The following NCOA1 variants were observed in gnomAD, a reference collection of about 807,000 sequenced individuals.
The protein encoded by NCOA1 is nuclear receptor coactivator 1.
NCOA1 carries 35 observed loss-of-function variants against 150.9 expected under a neutral mutation model. The ratio of observed to expected loss-of-function variants is 0.23; its 90% CI spans 0.18 to 0.31. NCOA1 has a LOEUF of 0.31. NCOA1 is among the 10% of genes least tolerant of loss of function. The probability of loss-of-function intolerance (pLI) is 1.00; values close to 1 mark genes in which losing one functional copy is unlikely to be tolerated. For missense variants in NCOA1, 1,491 were observed against 1,749.3 expected, an observed-to-expected ratio of 0.85 and a Z score of 2.63; for synonymous variants, 590 against 630.0, an observed-to-expected ratio of 0.94 and a Z score of 0.95.
At chr2:24,580,760 T>A (rs1359689783) in intron 2 of NCOA1, among the ~76,000 whole-genome samples, 2 of 152,254 alleles carry the variant, frequency 1.3e-5, no homozygotes, top group Non-Finnish European at 2.9e-5. Context: ...CAGATAATTT[T>A]AACACCTCCA....
intron 3 of NCOA1, among the ~76,000 whole-genome samples, chr2:24,633,827 A>T (rs888848682): frequency 6.6e-6 from 1 of 152,206 alleles, no homozygotes; most frequent in Non-Finnish European, 1.5e-5. Context: ...TAGAAATTCT[A>T]CTTTTGGATA....
At chr2:24,630,570 T>TA (rs1286238378) in intron 3 of NCOA1, among the ~76,000 whole-genome samples, 24 of 152,350 alleles carry the variant, frequency 1.6e-4, no homozygotes, top group Non-Finnish European at 2.8e-4. Flanking sequence ...TCTTGCCACT[T>TA]ACTAATGGTG....
chr2:24,747,810 GA>G (rs59231013), intron 19 of NCOA1, among the ~76,000 whole-genome samples: 36,287 of 149,830 alleles, frequency 0.24, 4,423 homozygotes, highest in Non-Finnish European at 0.26. Flanking sequence ...AGTCATAAAT[GA>G]AAAAAAAAAT....
In NCOA1 at chr2:24,498,161, T is replaced by G. The variant is rs182458068; in HGVS notation, c.-396+6559T>G. ...AATTTGTTTGTAAGAAACAAAAAGT[T>G]ATTTGTTCTGCAATGTCTAATATCT... On this transcript the variant is annotated intron_variant, in intron 1 of 22. Coordinates refer to ENST00000348332, the MANE Select transcript of NCOA1 (RefSeq NM_003743.5). Among the ~76,000 whole-genome samples, 5 of 152,362 alleles carry G rather than the reference T, an allele frequency of 3.3e-5. No individual in the cohort carries two copies. The East Asian group carries it at 9.6e-4, about 29-fold the overall frequency.
rs56015624 is a variant in NCOA1 at position 24,757,178 on chromosome 2, T to C, written c.3882-795T>C. Among the ~76,000 whole-genome samples the C allele has an allele frequency of 1.8e-3, 281 of 152,294 alleles. 1 individual carries two copies. Among genetic ancestry groups the C allele is most frequent in the Non-Finnish European group, 3.0e-3 (206 of 68,026 alleles). ...ATGCATGAATAGTTAAAGATGGACCTTTCTATACCCACCCCTGGAAAATGT... is the reference window on the plus strand; with the variant it reads ...ATGCATGAATAGTTAAAGATGGACCCTTCTATACCCACCCCTGGAAAATGT... On this transcript the variant is annotated intron_variant, in intron 20 of 22. Coordinates refer to ENST00000348332, the MANE Select transcript of NCOA1 (RefSeq NM_003743.5).
chr2:24,641,455 T>C (rs1670213874), intron 3 of NCOA1, among the ~76,000 whole-genome samples: 1 of 152,162 alleles, frequency 6.6e-6, no homozygotes, highest in Admixed American at 6.5e-5. Flanking sequence ...CTGATGCTTT[T>C]GCTTCTGTTT....
intron 3 of NCOA1, among the ~76,000 whole-genome samples, chr2:24,620,814 G>A (rs1296917826): frequency 6.6e-6 from 1 of 152,112 alleles, no homozygotes; most frequent in Non-Finnish European, 1.5e-5. Context: ...TCATTGAATG[G>A]AATATTGTAG....
chr2:24,710,801 T>C (rs1231591969), intron 13 of NCOA1, 130 bp from the exon 14 acceptor site: 3 of 873,788 alleles, frequency 3.4e-6, no homozygotes, highest in Non-Finnish European at 1.7e-6. Context: ...TCATTCTAAT[T>C]ATTTCTTCTT....
At chr2:24,762,082 A>C (rs924729587) in intron 21 of NCOA1, among the ~76,000 whole-genome samples, 2 of 152,244 alleles carry the variant, frequency 1.3e-5, no homozygotes, top group Non-Finnish European at 2.9e-5. Flanking sequence ...CCCTTAACTC[A>C]GGGAGCCTGC....
intron 3 of NCOA1, among the ~76,000 whole-genome samples, chr2:24,642,007 CGTGTGTGT>C (rs58991961): frequency 3.7e-4 from 54 of 144,988 alleles, no homozygotes; most frequent in Middle Eastern, 3.5e-3. Context: ...TTACAGAGGG[CGTGTGTGT>C]GTGTGTGTGT....
At chr2:24,630,387 G>A (rs906517743) in intron 3 of NCOA1, among the ~76,000 whole-genome samples, 4 of 152,236 alleles carry the variant, frequency 2.6e-5, no homozygotes, top group Admixed American at 6.5e-5. Context: ...CTGGTGTGAA[G>A]TTTTATTGTA....
At chr2:24,553,579 G>C (rs537600214) in intron 1 of NCOA1, among the ~76,000 whole-genome samples, 1 of 152,126 alleles carries the variant, frequency 6.6e-6, no homozygotes, top group African/African-American at 2.4e-5. Flanking sequence ...TGTTAATGTG[G>C]CGTATTACAT....
chr2:24,645,150 A>C (rs1420448233), intron 4 of NCOA1, among the ~76,000 whole-genome samples: 1 of 152,144 alleles, frequency 6.6e-6, no homozygotes, highest in Non-Finnish European at 1.5e-5. Context: ...GTACAAAATT[A>C]TTTAAGAAGA....
intron 1 of NCOA1, among the ~76,000 whole-genome samples, chr2:24,557,224 T>C (rs1339429824): frequency 1.3e-5 from 2 of 152,006 alleles, no homozygotes; most frequent in South Asian, 2.1e-4. Flanking sequence ...GTTTAAAAGA[T>C]ATATCTTTAA....
intron 15 of NCOA1, among the ~76,000 whole-genome samples, chr2:24,727,137 TCA>T (rs1674672086): frequency 1.3e-5 from 1 of 75,118 alleles, no homozygotes. Context: ...AAACTCTGTC[TCA>T]AAAAAAAAAA....
chr2:24,587,112 AAAAG>A (rs1363435907), intron 3 of NCOA1, among the ~76,000 whole-genome samples: 2 of 151,890 alleles, frequency 1.3e-5, no homozygotes, highest in Non-Finnish European at 2.9e-5. Context: ...AAAAAAAAAA[AAAAG>A]AAACTGGGAA....
At chr2:24,591,608 C>T (rs1343050870) in intron 3 of NCOA1, among the ~76,000 whole-genome samples, 1 of 152,022 alleles carries the variant, frequency 6.6e-6, no homozygotes, top group Non-Finnish European at 1.5e-5. Flanking sequence ...TTCCTAGAGG[C>T]CAGGCTATCT....
Position 24,752,174 on chromosome 2 carries a change from A to T in NCOA1, c.3881+18A>T. The T allele has an allele frequency of 1.9e-6, 3 of 1,610,214 alleles. No individual in the cohort carries two copies. The South Asian group carries it at 3.3e-5, about 18-fold the overall frequency. On this transcript the variant is annotated intron_variant, in intron 20 of 22. Coordinates refer to ENST00000348332, the MANE Select transcript of NCOA1 (RefSeq NM_003743.5). Reference sequence around the variant, plus strand: ...AACAACAAGTAAGGGGGCAGTTTTTATATATGAGCATCCTTGATACTGTGA... The same window carrying T: ...AACAACAAGTAAGGGGGCAGTTTTTTTATATGAGCATCCTTGATACTGTGA...
intron 1 of NCOA1, among the ~76,000 whole-genome samples, chr2:24,558,665 G>A (rs556175919): frequency 2.0e-5 from 3 of 152,280 alleles, no homozygotes; most frequent in Non-Finnish European, 2.9e-5. Flanking sequence ...TATCAAAAGC[G>A]AAACACCGAA....
Sources: allele counts gnomAD v4.1 joint callset (sites outside exome capture counted in the v4.1 genomes callset), GRCh38; gene constraint gnomAD v4.1.1; transcripts MANE v1.5; gene names NCBI Gene and HGNC (gene_info 2026-07-23, HGNC 2026-07-21).